SF1: variants seen among roughly 807,000 people sequenced by gnomAD.
SF1 encodes branch point-binding protein.
Under a neutral mutation model 62.5 loss-of-function variants are expected in SF1, and 7 were observed. The observed-to-expected ratio is 0.11, with a 90% CI of 0.06 to 0.21. The LOEUF is 0.21. Ranked by LOEUF, SF1 falls within the 10% of genes least tolerant of loss-of-function variation. The pLI, the probability that SF1 is intolerant of heterozygous loss-of-function variation, is 1.00. For missense variants in SF1, 578 were observed against 884.0 expected, an observed-to-expected ratio of 0.65 and a Z score of 4.39; for synonymous variants, 394 against 323.6, an observed-to-expected ratio of 1.22 and a Z score of -2.33.
intron 3 of SF1, chr11:64,771,869 A>T: frequency 1.0e-6 from 1 of 985,464 alleles, no homozygotes; most frequent in Non-Finnish European, 1.2e-6. Flanking sequence ...ACCTGGGCTC[A>T]AAAGCAAAAC....
intron 1 of SF1, chr11:64,778,058 G>A (rs1939661558): frequency 5.0e-6 from 5 of 1,005,048 alleles, no homozygotes; most frequent in Non-Finnish European, 5.9e-6. Context: ...CTGCGGCGGC[G>A]ACACGCGCTG....
At chr11:64,776,805 G>A (rs1231666410) in intron 1 of SF1, among the ~76,000 whole-genome samples, 179 bp from the exon 2 acceptor site, 2 of 152,056 alleles carry the variant, frequency 1.3e-5, no homozygotes, top group African/African-American at 4.8e-5. Flanking sequence ...TAAAGCTTAT[G>A]GCCACTACAA....
At chr11:64,766,591 C>G in intron 12 of SF1, 1 of 414,874 alleles carries the variant, frequency 2.4e-6, no homozygotes, top group Non-Finnish European at 4.3e-6. Flanking sequence ...GACCCATATG[C>G]ACCAGGCTCA....
Position 64,765,225 on chromosome 11 carries a change from A to G in SF1, c.*593T>C. On this transcript the variant is annotated 3_prime_UTR_variant, in exon 13 of 13. Coordinates refer to ENST00000377390, the MANE Select transcript of SF1 (RefSeq NM_004630.4). ...TGGTAAGGGAAGGAGAACTGGAGAG[A>G]AGGGAAAGGAATCTAAATTGCAGCA... 2 of 448,288 alleles carry G rather than the reference A, an allele frequency of 4.5e-6. No homozygotes were observed. The highest frequency in any genetic ancestry group is 7.3e-5 in the South Asian group (2 of 27,476). The allele number at this position is 448,288 out of a possible 1,614,324, so 27.8% of individuals were successfully genotyped here. A position where few individuals can be genotyped will look rare whatever the true frequency, so the allele number is the denominator to read the frequency against.
chr11:64,768,548 C>T (rs1937737687), intron 8 of SF1, among the ~76,000 whole-genome samples: 1 of 152,248 alleles, frequency 6.6e-6, no homozygotes. Flanking sequence ...CGATGAAGCA[C>T]AGGTTCTCTC....
chr11:64,771,516 G>A (rs1565571914), intron 3 of SF1: 5 of 985,208 alleles, frequency 5.1e-6, no homozygotes, highest in South Asian at 4.7e-5. Flanking sequence ...GACTGAACTC[G>A]GCTGCTCCCA....
At chr11:64,766,296 T>TG in intron 12 of SF1, 141 bp from the exon 13 acceptor site, 2 of 122,428 alleles carry the variant, frequency 1.6e-5, no homozygotes, top group South Asian at 1.1e-4. Flanking sequence ...TGGGCGGGGC[T>TG]GGTGATGGGG....
rs1349103927 is a variant in SF1, at chr11:64,765,804, C to T, written c.*14G>A. ...TCTCTCTATATATAATATATATTTT[C>T]TTAAAAAACAAGTCTAGTTCTGTGG... On this transcript the variant is annotated 3_prime_UTR_variant, in exon 13 of 13. Coordinates refer to ENST00000377390, the MANE Select transcript of SF1 (RefSeq NM_004630.4). 2.0e-6 allele frequency: 3 copies of T among 1,529,122 alleles called. No individual in the cohort carries two copies. Among genetic ancestry groups the T allele is most frequent in the Non-Finnish European group, 2.6e-6 (3 of 1,140,252 alleles). The allele number at this position is 1,529,122 out of a possible 1,614,324, so 94.7% of individuals were successfully genotyped here. A position where few individuals can be genotyped will look rare whatever the true frequency, so the allele number is the denominator to read the frequency against.
rs774877401 is a variant in SF1, at chr11:64,767,010, G to A, written c.1472C>T (p.Pro491Leu). 3.9e-6 allele frequency: 6 copies of A among 1,540,840 alleles called. No individual in the cohort carries two copies. The highest frequency in any genetic ancestry group is 5.2e-6 in the Non-Finnish European group (6 of 1,143,250). ...PPPPPSGQPP[P>L]PPSGPLPPWQ... The stretch of plus-strand genomic sequence containing the variant: ...TGGGGGAAGAGGACCAGAGGGAGGG[G>A]GTGGGGGCTGCCCACTGGGAGGCGG... Residue 491 changes from proline (P) to leucine (L), a missense_variant, in exon 12 of 13, where the codon CCC (proline) becomes CTC (leucine). Physicochemically the swap from Pro to Leu is moderately conservative, Grantham distance 98 (BLOSUM62 -3). Around this residue, in one of 7 missense-constraint regions of SF1, gnomAD observed 410 missense variants for 452.4 expected, o/e 0.91. Transcript: ENST00000377390.
rs766478819 is a variant in SF1, at chr11:64,769,003, G to A, written c.887+19C>T. On this transcript the variant is annotated intron_variant, in intron 8 of 12. Transcript: ENST00000377390. Reference sequence around the variant, plus strand: ...GCACATCGCAGGCTACCAGGAAACCGCAAGAGCCAGCCCCTCACCTTTGGA... The same window carrying A: ...GCACATCGCAGGCTACCAGGAAACCACAAGAGCCAGCCCCTCACCTTTGGA... 8.9e-6 allele frequency: 14 copies of A among 1,566,132 alleles called. No homozygotes were observed. The highest frequency in any genetic ancestry group is 2.2e-5 in the South Asian group (2 of 90,152).
At chr11:64,773,133 C>T in intron 3 of SF1, 1 of 1,208,442 alleles carries the variant, frequency 8.3e-7, no homozygotes, top group East Asian at 5.4e-5. Flanking sequence ...TAACGGGCCA[C>T]CTCACTGTCC....
At chr11:64,772,062 A>G (rs1478614845) in intron 3 of SF1, 1 of 985,354 alleles carries the variant, frequency 1.0e-6, no homozygotes, top group Non-Finnish European at 1.2e-6. Flanking sequence ...AAGGCCTCAC[A>G]ACAGTTTAAC....
intron 3 of SF1, chr11:64,771,438 A>C (rs1938307796): frequency 1.2e-5 from 12 of 984,790 alleles, no homozygotes; most frequent in Middle Eastern, 5.2e-4. Context: ...AAAAAAACAT[A>C]CTGAAAGTAA....
At chr11:64,777,129 T>C (rs1289922458) in intron 1 of SF1, among the ~76,000 whole-genome samples, 7 of 152,212 alleles carry the variant, frequency 4.6e-5, no homozygotes, top group Admixed American at 4.6e-4. Flanking sequence ...GCCCAATTCT[T>C]CAACAAGATC....
chr11:64,775,240 T>A (rs1443982709), intron 2 of SF1, among the ~76,000 whole-genome samples: 2 of 152,150 alleles, frequency 1.3e-5, no homozygotes, highest in Admixed American at 6.5e-5. Context: ...TTGATTCTAT[T>A]TTGATTATAG....
chr11:64,777,427 A>C (rs1939476850), intron 1 of SF1: 1 of 890,760 alleles, frequency 1.1e-6, no homozygotes, highest in African/African-American at 1.8e-5. Context: ...TAAAAAAAAA[A>C]ACAAACTAAA....
Position 64,765,691 on chromosome 11 carries a change from A to G in SF1, c.*127T>C. 1 of 1,465,342 alleles carries G rather than the reference A, an allele frequency of 6.8e-7. No individual in the cohort carries two copies. The highest frequency in any genetic ancestry group is 9.0e-7 in the Non-Finnish European group (1 of 1,111,262). 90.8% of individuals were successfully genotyped at this position (1,465,342 alleles called of 1,614,324 possible). On this transcript the variant is annotated 3_prime_UTR_variant, in exon 13 of 13. Transcript: ENST00000377390. ...TTGGCCCAGCCCAGTGCGTGCACAC[A>G]CACACATGCGTGCACACACAATCAC... is the stretch of plus-strand genomic sequence containing the variant.
chr11:64,772,188 A>T (rs1938428855), intron 3 of SF1: 2 of 985,310 alleles, frequency 2.0e-6, no homozygotes, highest in African/African-American at 3.5e-5. Flanking sequence ...AATCCCAGTT[A>T]TCCAGGAAGC....
In SF1 at chr11:64,765,857, C is replaced by G; in HGVS notation, c.1881G>C (p.Gly627=). The G allele has an allele frequency of 6.4e-7, 1 of 1,559,226 alleles. No individual in the cohort carries two copies. ...GAGGCGGTGGGGGAGCTGGAGGCAT[C>G]CCGAAGGGCGGCATGCCCGCCACCC... ...GMGVAGMPPF[G]MPPAPPPPPP... Residue 627 remains glycine, a synonymous_variant, in exon 13 of 13, where the codon GGG becomes GGC. Coordinates refer to ENST00000377390, the MANE Select transcript of SF1 (RefSeq NM_004630.4).
Sources: gnomAD v4.1 joint callset for allele counts (sites outside exome capture counted in the v4.1 genomes callset) on GRCh38, gnomAD v4.1.1 for gene constraint, gnomAD v4.1.1 regional missense constraint, MANE v1.5 for transcripts, NCBI Gene and HGNC (gene_info 2026-07-23, HGNC 2026-07-21) for gene names.